FBXO44: variants seen among roughly 807,000 people sequenced by gnomAD.
The protein encoded by FBXO44 is F-box protein 44, also known as F-box only protein 44.
A neutral mutation model predicts 33.5 loss-of-function variants in FBXO44; 25 were observed. The ratio of observed to expected loss-of-function variants is 0.75; its 90% confidence interval spans 0.54 to 1.04. The LOEUF (loss-of-function observed/expected upper bound fraction) is 1.04. Ranked by LOEUF, FBXO44 falls within the 50% of genes least tolerant of loss-of-function variation. The pLI is 0.00. For synonymous variants in FBXO44, 147 were observed against 152.8 expected (o/e 0.96, Z 0.28); for missense variants, 311 against 344.0 (o/e 0.90, Z 0.76).
Position 11,654,968 on chromosome 1 carries a change from G to T in FBXO44, c.-31+16G>T. The T allele has an allele frequency of 6.7e-6, 1 of 150,358 alleles. No individual in the cohort carries two copies. The highest frequency in any genetic ancestry group is 1.8e-4 in the South Asian group (1 of 5,548). 9.3% of individuals were successfully genotyped at this position (150,358 alleles called of 1,614,324 possible). The stretch of plus-strand genomic sequence containing the variant: ...CCGAGCGCAGGTGACCGGCAGGAGG[G>T]GGCGCGGGGGGCGCTGGGGAGGGGG... On this transcript the variant is annotated intron_variant, in intron 1 of 5. Coordinates refer to ENST00000251547, the MANE Select transcript of FBXO44 (RefSeq NM_033182.7).
intron 5 of FBXO44, among the ~76,000 whole-genome samples, chr1:11,660,870 T>G (rs1275383027): frequency 1.3e-5 from 2 of 152,066 alleles, no homozygotes; most frequent in Non-Finnish European, 2.9e-5. Context: ...ACTGCAGTCT[T>G]GAACTCCTAC....
In FBXO44 at chr1:11,661,628, C is replaced by G. The variant is rs1640196191; in HGVS notation, c.*355C>G. Reference sequence around the variant, plus strand: ...TCTCCCTTCCCCTCCTGGGACCATTCTACCTGTGTTCTTTGACCCTCGGAG... The same window carrying G: ...TCTCCCTTCCCCTCCTGGGACCATTGTACCTGTGTTCTTTGACCCTCGGAG... On this transcript the variant is annotated 3_prime_UTR_variant, in exon 6 of 6. Coordinates refer to ENST00000251547, the MANE Select transcript of FBXO44 (RefSeq NM_033182.7). The surrounding 1 kb of genome is among the most constrained non-coding windows in gnomAD (Gnocchi z 4.4). The G allele has an allele frequency of 3.2e-6, 1 of 310,916 alleles. No individual in the cohort carries two copies. The highest frequency in any genetic ancestry group is 6.0e-6 in the Non-Finnish European group (1 of 166,954). The allele number at this position is 310,916 out of a possible 1,614,324, so 19.3% of individuals were successfully genotyped here.
At position 11,661,403 on chromosome 1, in the gene FBXO44, T is replaced by G; in HGVS notation, c.*130T>G. 3 of 1,376,438 alleles carry G rather than the reference T, an allele frequency of 2.2e-6. No individual in the cohort carries two copies. Among genetic ancestry groups the G allele is most frequent in the Non-Finnish European group, 2.0e-6 (2 of 1,008,304 alleles). The allele number at this position is 1,376,438 out of a possible 1,614,324, so 85.3% of individuals were successfully genotyped here. A position where few individuals can be genotyped will look rare whatever the true frequency, so the allele number is the denominator to read the frequency against. ...CTAACCCTTGCCCCTAGCAGCCTCT[T>G]CTTTGTGGAGCCTCTCAGTGTGGGC... On this transcript the variant is annotated 3_prime_UTR_variant, in exon 6 of 6. Coordinates refer to ENST00000251547, the MANE Select transcript of FBXO44 (RefSeq NM_033182.7). The surrounding 1 kb of genome is among the most constrained non-coding windows in gnomAD (Gnocchi z 4.4).
At chr1:11,660,151 C>T (rs1640088146) in intron 5 of FBXO44, among the ~76,000 whole-genome samples, 1 of 152,160 alleles carries the variant, frequency 6.6e-6, no homozygotes, top group South Asian at 2.1e-4. Flanking sequence ...TTTATTTCAT[C>T]TAATTTTACT....
chr1:11,655,651 G>A (rs1639726421), intron 1 of FBXO44, 155 bp from the exon 2 acceptor site: 4 of 682,994 alleles, frequency 5.9e-6, no homozygotes, highest in Non-Finnish European at 9.7e-6. Flanking sequence ...TTTTATTAAA[G>A]TACCTGATGT....
rs1357810699 is a variant in FBXO44, at chr1:11,658,603, C to A, written c.463C>A (p.Arg155=). Residue 155 remains arginine (R), a synonymous_variant, in exon 4 of 6, where the codon CGG becomes AGG. Coordinates refer to ENST00000251547, the MANE Select transcript of FBXO44 (RefSeq NM_033182.7). ...GYWEELMDTT[R]PDIEVKDWFA... ...TTGGGAGGAGCTGATGGATACCACA[C>A]GGCCGGACATCGAGGTCAAGGACTG... The A allele has an allele frequency of 6.2e-7, 1 of 1,613,230 alleles. No individual in the cohort carries two copies. Among genetic ancestry groups the A allele is most frequent in the South Asian group, 1.1e-5 (1 of 91,036 alleles).
At chr1:11,659,497 T>C (rs1023862155) in intron 5 of FBXO44, among the ~76,000 whole-genome samples, 1 of 152,248 alleles carries the variant, frequency 6.6e-6, no homozygotes, top group Non-Finnish European at 1.5e-5. Context: ...TTTGTTTGTT[T>C]GTTTGTTTTA....
At chr1:11,656,157 A>G in intron 2 of FBXO44, 57 bp downstream of exon 2, 3 of 1,590,452 alleles carry the variant, frequency 1.9e-6, no homozygotes, top group Middle Eastern at 1.7e-4. Flanking sequence ...CACCAGGAAC[A>G]TGTATTGAGC....
At position 11,662,631 on chromosome 1, in the gene FBXO44, G is replaced by A. The variant is rs3125815; in HGVS notation, c.*1358G>A. 0.17 allele frequency: 25,959 copies of A among 152,238 alleles called. 2,650 individuals are homozygous for A. Among genetic ancestry groups the A allele is most frequent in the South Asian group, 0.26 (1,250 of 4,830 alleles). The allele number at this position is 152,238 out of a possible 1,614,324, so 9.4% of individuals were successfully genotyped here. ...TGTTACTCTTTGCCAACAGCTTTAC[G>A]GACATTGGATGAAGCCGAAGCATTT... On this transcript the variant is annotated 3_prime_UTR_variant, in exon 6 of 6. Coordinates refer to ENST00000251547, the MANE Select transcript of FBXO44 (RefSeq NM_033182.7).
In FBXO44 at chr1:11,662,255, A is replaced by G. The variant is rs1211889299; in HGVS notation, c.*982A>G. 1 of 152,080 alleles carries G rather than the reference A, an allele frequency of 6.6e-6. No individual in the cohort carries two copies. Among genetic ancestry groups the G allele is most frequent in the Non-Finnish European group, 1.5e-5 (1 of 68,044 alleles). 9.4% of individuals were successfully genotyped at this position (152,080 alleles called of 1,614,324 possible). A position where few individuals can be genotyped will look rare whatever the true frequency, so the allele number is the denominator to read the frequency against. On this transcript the variant is annotated 3_prime_UTR_variant, in exon 6 of 6. Coordinates refer to ENST00000251547, the MANE Select transcript of FBXO44 (RefSeq NM_033182.7). ...AGCAGTGTTCTCCTGACTTCGCCCT[A>G]CTGCATGCAGCCAAATAAAAGGTGT...
chr1:11,656,214 T>C (rs1639784781), intron 2 of FBXO44, 114 bp downstream of exon 2: 1 of 1,408,224 alleles, frequency 7.1e-7, no homozygotes, highest in South Asian at 1.4e-5. Flanking sequence ...CCTTTACTTC[T>C]CTCACAGTAA....
At chr1:11,659,518 CAT>C (rs902636121) in intron 5 of FBXO44, among the ~76,000 whole-genome samples, 7 of 152,180 alleles carry the variant, frequency 4.6e-5, no homozygotes, top group African/African-American at 1.7e-4. Flanking sequence ...ATTTACTTAA[CAT>C]ATTTTTAGGG....
chr1:11,654,525 A>C, upstream of FBXO44: 1 of 439,904 alleles, frequency 2.3e-6, no homozygotes, highest in Non-Finnish European at 3.8e-6. Flanking sequence ...CAGTCCCAGC[A>C]GTCTGCTCGA....
chr1:11,656,554 T>G lies in FBXO44; in HGVS notation c.265+454T>G, dbSNP rs995905880. Among the ~76,000 whole-genome samples the G allele has an allele frequency of 1.1e-3, 173 of 151,632 alleles. 1 individual carries two copies. The highest frequency in any genetic ancestry group is 3.8e-3 in the African/African-American group (159 of 41,318). ...TCGGCTCACTGCAACCTCCACCTCCTGGGTTCAAGCGATTCTCCTGCCTCA... is the reference window on the plus strand; with the variant it reads ...TCGGCTCACTGCAACCTCCACCTCCGGGGTTCAAGCGATTCTCCTGCCTCA... On this transcript the variant is annotated intron_variant, in intron 2 of 5. Transcript: ENST00000251547.
Position 11,655,910 on chromosome 1 carries a change from G to C in FBXO44, c.75G>C (p.Gln25His). ...TGTTCACGCACGTGCCCGCCCGCCA[G>C]CTGCTGCTGAACTGCCGCCTGGTCT... ...LELFTHVPAR[Q>H]LLLNCRLVCS... is the part of the protein sequence containing the mutation. The change falls in exon 2 of 6, where the codon CAG becomes CAC. Residue 25 changes from glutamine to histidine, a missense_variant. Physicochemically the swap from Gln to His is conservative, Grantham distance 24 (BLOSUM62 0). Coordinates refer to ENST00000251547, the MANE Select transcript of FBXO44 (RefSeq NM_033182.7). 1.2e-6 allele frequency: 2 copies of C among 1,613,934 alleles called. No homozygotes were observed. The highest frequency in any genetic ancestry group is 1.7e-6 in the Non-Finnish European group (2 of 1,180,034).
rs1296062313 is a variant in FBXO44, at chr1:11,661,426, G to A, written c.*153G>A. The stretch of plus-strand genomic sequence containing the variant: ...CTTCTTTGTGGAGCCTCTCAGTGTG[G>A]GCAGCCCTCGCATGCTGGGGTCGGG... On this transcript the variant is annotated 3_prime_UTR_variant, in exon 6 of 6. Coordinates refer to ENST00000251547, the MANE Select transcript of FBXO44 (RefSeq NM_033182.7). This position sits in a 1 kb window ranked among gnomAD's most constrained non-coding sequence, Gnocchi z 4.4. 8.5e-7 allele frequency: 1 copy of A among 1,179,952 alleles called. No individual in the cohort carries two copies. The highest frequency in any genetic ancestry group is 1.2e-6 in the Non-Finnish European group (1 of 847,454). The allele number at this position is 1,179,952 out of a possible 1,614,324, so 73.1% of individuals were successfully genotyped here.
chr1:11,658,942 G>A lies in FBXO44; in HGVS notation c.624+71G>A, dbSNP rs1025397397. ...TGAGGCTGTGGTCAGACGGGGCCTA[G>A]GTTCAGATCCAAGCTCTGCACCTTC... On this transcript the variant is annotated intron_variant, in intron 5 of 5. Coordinates refer to ENST00000251547, the MANE Select transcript of FBXO44 (RefSeq NM_033182.7). 30 of 1,576,488 alleles carry A rather than the reference G, an allele frequency of 1.9e-5. 1 individual carries two copies. The highest frequency in any genetic ancestry group is 3.6e-4 in the Middle Eastern group (2 of 5,588).
At chr1:11,655,063 T>G (rs1639679522) in intron 1 of FBXO44, 111 bp downstream of exon 1, 1 of 152,098 alleles carries the variant, frequency 6.6e-6, no homozygotes, top group South Asian at 1.9e-4. Flanking sequence ...GAGGGAGGCC[T>G]GGCACCGACC....
At chr1:11,660,067 G>T (rs539053492) in intron 5 of FBXO44, among the ~76,000 whole-genome samples, 2 of 152,220 alleles carry the variant, frequency 1.3e-5, no homozygotes, top group Non-Finnish European at 2.9e-5. Context: ...TATCCATAAG[G>T]TAGCCAGTAG....
Sources: gnomAD v4.1 joint callset for allele counts (sites outside exome capture counted in the v4.1 genomes callset) on GRCh38, gnomAD v4.1.1 for gene constraint, Gnocchi (gnomAD v3.1) non-coding constraint, MANE v1.5 for transcripts, NCBI Gene and HGNC (gene_info 2026-07-23, HGNC 2026-07-21) for gene names.